Variants in GALNT9 observed in about 807,000 individuals in gnomAD.
The protein encoded by GALNT9 is polypeptide N-acetylgalactosaminyltransferase 9, also known as GalNAc transferase 9.
In GALNT9, 47 loss-of-function variants were observed where a neutral mutation model predicts 63.1. The ratio of observed to expected loss-of-function variants is 0.75; its 90% CI spans 0.59 to 0.95. GALNT9 has a LOEUF of 0.95. Among genes scored for constraint, GALNT9 ranks in the 40% least tolerant of loss-of-function variants. The probability of loss-of-function intolerance (pLI) is 0.00; values close to 1 mark genes in which losing one functional copy is unlikely to be tolerated. For synonymous variants in GALNT9, 396 were observed against 365.7 expected (o/e 1.08, Z -0.94); for missense variants, 829 against 874.8 (o/e 0.95, Z 0.66).
At chr12:132,256,557 GA>G (rs1879120603) in intron 5 of GALNT9, among the ~76,000 whole-genome samples, 2 of 145,658 alleles carry the variant, frequency 1.4e-5, no homozygotes, top group South Asian at 4.5e-4. Context: ...GGGGACACTG[GA>G]GGGGGGACAC....
chr12:132,298,326 T>C (rs1881151339), intron 1 of GALNT9, among the ~76,000 whole-genome samples: 1 of 150,988 alleles, frequency 6.6e-6, no homozygotes, highest in Non-Finnish European at 1.5e-5. Flanking sequence ...AACCCACCCA[T>C]GAGATAAACA....
At chr12:132,269,837 G>A (rs1465882539) in intron 2 of GALNT9, among the ~76,000 whole-genome samples, 1 of 152,218 alleles carries the variant, frequency 6.6e-6, no homozygotes, top group African/African-American at 2.4e-5. Flanking sequence ...CCTGGCCTTT[G>A]CCTGCAGCAC....
At chr12:132,227,184 G>A (rs1216617026) in intron 6 of GALNT9, among the ~76,000 whole-genome samples, 4 of 152,268 alleles carry the variant, frequency 2.6e-5, no homozygotes, top group African/African-American at 9.6e-5. Flanking sequence ...TAGGGCATGA[G>A]GAGAGACTCA....
chr12:132,290,941 C>G (rs1371557661), intron 1 of GALNT9, among the ~76,000 whole-genome samples: 23 of 31,196 alleles, frequency 7.4e-4, no homozygotes, highest in South Asian at 1.8e-3. Flanking sequence ...CACGTCCACA[C>G]CACCCACATC....
chr12:132,269,711 G>A (rs1226572833), intron 2 of GALNT9, among the ~76,000 whole-genome samples: 2 of 152,222 alleles, frequency 1.3e-5, no homozygotes, highest in East Asian at 1.9e-4. Flanking sequence ...CGCTGGGAAC[G>A]CGTACCTGGG....
At chr12:132,267,002 A>T (rs977743148) in intron 2 of GALNT9, among the ~76,000 whole-genome samples, 8 of 152,298 alleles carry the variant, frequency 5.3e-5, no homozygotes, top group Admixed American at 2.0e-4. Context: ...GCCTCCACTC[A>T]GCGAGCGAAA....
At chr12:132,230,020 C>T (rs1168168304) in intron 6 of GALNT9, among the ~76,000 whole-genome samples, 4 of 152,186 alleles carry the variant, frequency 2.6e-5, no homozygotes. Flanking sequence ...GTCCCGGTGC[C>T]GCCCCCTTGA....
chr12:132,212,001 G>A (rs1000306944), intron 6 of GALNT9, among the ~76,000 whole-genome samples: 2 of 152,236 alleles, frequency 1.3e-5, no homozygotes, highest in Non-Finnish European at 2.9e-5. Context: ...AGTGATGCTT[G>A]CGTCAGTGGA....
At chr12:132,258,354 A>G (rs1239519947) in intron 4 of GALNT9, among the ~76,000 whole-genome samples, 1 of 152,240 alleles carries the variant, frequency 6.6e-6, no homozygotes, top group Non-Finnish European at 1.5e-5. Context: ...ACAAATTGGA[A>G]TACAATCATG....
rs1195695805 is a variant in GALNT9, at chr12:132,246,752, C to T, written c.1077+1158G>A. On this transcript the variant is annotated intron_variant, in intron 6 of 10. Transcript: ENST00000328957. The surrounding 1 kb of genome is among the most constrained non-coding windows in gnomAD (Gnocchi z 4.7). Reference sequence around the variant, plus strand: ...TTTACCATACTGGTCAGGCTGGTCTCGAACTTCTGACCTCATGATCCACCC... The same window carrying T: ...TTTACCATACTGGTCAGGCTGGTCTTGAACTTCTGACCTCATGATCCACCC... Among the ~76,000 whole-genome samples, 1 of 152,172 alleles carries T rather than the reference C, an allele frequency of 6.6e-6. No individual in the cohort carries two copies. The highest frequency in any genetic ancestry group is 2.4e-5 in the African/African-American group (1 of 41,424).
chr12:132,291,676 G>A (rs1248631479), intron 1 of GALNT9, among the ~76,000 whole-genome samples: 2 of 97,550 alleles, frequency 2.1e-5, no homozygotes, highest in African/African-American at 4.8e-5. Context: ...CACATCCACG[G>A]TGCCCACATC....
intron 6 of GALNT9, among the ~76,000 whole-genome samples, 178 bp from the exon 7 acceptor site, chr12:132,203,868 C>T (rs765929297): frequency 2.0e-5 from 3 of 152,082 alleles, no homozygotes; most frequent in Admixed American, 1.3e-4. Context: ...CAGGGGACCC[C>T]GCCCACAGAG....
At chr12:132,281,643 A>C (rs782046032) in intron 2 of GALNT9, among the ~76,000 whole-genome samples, 50 of 152,194 alleles carry the variant, frequency 3.3e-4, no homozygotes, top group Non-Finnish European at 6.0e-4. Flanking sequence ...GTGACGTAAA[A>C]ACAAAGCTGG....
At chr12:132,275,040 C>T (rs1555241077) in intron 2 of GALNT9, 1 of 152,350 alleles carries the variant, frequency 6.6e-6, no homozygotes, top group Admixed American at 6.5e-5. Context: ...CAGGGCTTCC[C>T]AGCCTCAGCT....
intron 2 of GALNT9, among the ~76,000 whole-genome samples, chr12:132,266,388 G>A (rs782156541): frequency 6.6e-6 from 1 of 152,250 alleles, no homozygotes; most frequent in Non-Finnish European, 1.5e-5. Context: ...GCAAAGTCAA[G>A]AACCTGACCC....
chr12:132,328,163 G>A (rs1555246655), intron 1 of GALNT9, among the ~76,000 whole-genome samples: 4 of 152,182 alleles, frequency 2.6e-5, no homozygotes, highest in African/African-American at 9.7e-5. Context: ...CTGGAAAAGT[G>A]CTTGCTCTCA....
chr12:132,312,384 C>G (rs1168549456), intron 1 of GALNT9, among the ~76,000 whole-genome samples: 1 of 152,224 alleles, frequency 6.6e-6, no homozygotes, highest in Non-Finnish European at 1.5e-5. Context: ...CACGGCTGCT[C>G]CATGCAGCAA....
chr12:132,249,488 T>C (rs1419048023), intron 5 of GALNT9, among the ~76,000 whole-genome samples: 2 of 152,276 alleles, frequency 1.3e-5, no homozygotes. Context: ...ATCCAATTTG[T>C]TCTGTCATTA....
intron 1 of GALNT9, among the ~76,000 whole-genome samples, chr12:132,326,584 G>C (rs762501187): frequency 1.7e-4 from 26 of 152,292 alleles, no homozygotes; most frequent in South Asian, 6.2e-4. Context: ...CTCCCATGAA[G>C]ACGTGGACTT....
Sources: gnomAD v4.1 joint callset for allele counts (sites outside exome capture counted in the v4.1 genomes callset) on GRCh38, gnomAD v4.1.1 for gene constraint, Gnocchi (gnomAD v3.1) non-coding constraint, MANE v1.5 for transcripts, NCBI Gene and HGNC (gene_info 2026-07-23, HGNC 2026-07-21) for gene names.